AAK1: variants seen among roughly 807,000 people sequenced by gnomAD.
AAK1 encodes the protein AP2 associated kinase 1, also known as AP2-associated protein kinase 1.
In AAK1, 37 loss-of-function variants were observed where a neutral mutation model predicts 116.0. The observed-to-expected ratio is 0.32, with a 90% CI of 0.25 to 0.42. AAK1 has a LOEUF of 0.42. AAK1 is among the 10% of genes least tolerant of loss of function. The pLI is 1.00. For missense variants in AAK1, 919 were observed against 1,170.6 expected (o/e 0.79, Z 3.14); for synonymous variants, 458 against 439.9 (o/e 1.04, Z -0.51).
chr2:69,587,089 C>CT (rs869177078), intron 2 of AAK1, among the ~76,000 whole-genome samples: 244 of 144,714 alleles, frequency 1.7e-3, no homozygotes, highest in African/African-American at 3.7e-3. Context: ...TAAAAAAAAA[C>CT]TTTTTTTTTT....
intron 2 of AAK1, among the ~76,000 whole-genome samples, chr2:69,582,917 C>T (rs900226382): frequency 5.9e-5 from 9 of 152,186 alleles, no homozygotes. Flanking sequence ...CCATATTACC[C>T]CTACAGGGTT....
intron 17 of AAK1, among the ~76,000 whole-genome samples, chr2:69,485,763 C>T (rs1390360112): frequency 6.6e-6 from 1 of 151,436 alleles, no homozygotes; most frequent in Non-Finnish European, 1.5e-5. Context: ...CATGTTCAAG[C>T]GATTCTCCTG....
intron 2 of AAK1, among the ~76,000 whole-genome samples, chr2:69,640,014 A>AACACACAC (rs376034914): frequency 0.011 from 1,112 of 103,746 alleles, 79 homozygotes; most frequent in Admixed American, 0.077. Flanking sequence ...ACTCCCCTTT[A>AACACACAC]ACACACACAC....
chr2:69,482,793 G>A lies in AAK1; in HGVS notation c.2385C>T (p.Leu795=), dbSNP rs761357744. Reference sequence around the variant, plus strand: ...GCAGAAGAGAAGTGTCAGGAGATTTGAGTCCCTCAATTAGTTTTTCTACGT... The same window carrying A: ...GCAGAAGAGAAGTGTCAGGAGATTTAAGTCCCTCAATTAGTTTTTCTACGT... ...PDAPEKLIEG[L]KSPDTSLLLP... Residue 795 remains leucine (L), a synonymous_variant, in exon 18 of 22, where the codon CTC becomes CTT. Coordinates refer to ENST00000409085, the MANE Select transcript of AAK1 (RefSeq NM_014911.5). 6.2e-7 allele frequency: 1 copy of A among 1,613,044 alleles called. No individual in the cohort carries two copies. The highest frequency in any genetic ancestry group is 2.2e-5 in the East Asian group (1 of 44,880).
At chr2:69,615,106 G>C (rs1432298185) in intron 2 of AAK1, among the ~76,000 whole-genome samples, 2 of 152,162 alleles carry the variant, frequency 1.3e-5, no homozygotes, top group Non-Finnish European at 2.9e-5. Flanking sequence ...ACATGTTGCT[G>C]TCCTCTTTCC....
chr2:69,618,979 G>A (rs1031402519), intron 2 of AAK1, among the ~76,000 whole-genome samples: 2 of 151,974 alleles, frequency 1.3e-5, no homozygotes, highest in African/African-American at 4.8e-5. Context: ...TCAACCCCCT[G>A]CTTAGACAGG....
intron 2 of AAK1, among the ~76,000 whole-genome samples, chr2:69,560,386 T>C (rs1671583865): frequency 6.6e-6 from 1 of 152,234 alleles, no homozygotes; most frequent in East Asian, 1.9e-4. Context: ...GAGATGTTTA[T>C]TTCAGCCTGA....
intron 2 of AAK1, among the ~76,000 whole-genome samples, chr2:69,636,617 G>A (rs1675457338): frequency 6.6e-6 from 1 of 152,158 alleles, no homozygotes; most frequent in African/African-American, 2.4e-5. Context: ...AAAACTGTAA[G>A]CACTAGCCAC....
chr2:69,563,156 A>G (rs916347030), intron 2 of AAK1, among the ~76,000 whole-genome samples: 2 of 152,212 alleles, frequency 1.3e-5, no homozygotes, highest in Non-Finnish European at 2.9e-5. Context: ...TTGGAAGAAG[A>G]AGCAAGTAGT....
chr2:69,519,298 TTC>T lies in AAK1; in HGVS notation c.1211-60_1211-59del, dbSNP rs1484067029. The T allele has an allele frequency of 1.0e-5, 15 of 1,470,024 alleles. No individual in the cohort carries two copies. The East Asian group carries it at 3.2e-4, about 32-fold the overall frequency. The allele number at this position is 1,470,024 out of a possible 1,614,324, so 91.1% of individuals were successfully genotyped here. Reference sequence around the variant, plus strand: ...CAAATGCTTCCACACAAAAATGGCTTTCTGTCTTGCCAAAACAACTAATAGGG... The same window carrying T: ...CAAATGCTTCCACACAAAAATGGCTTTGTCTTGCCAAAACAACTAATAGGG... On this transcript the variant is annotated intron_variant, in intron 11 of 21. Transcript: ENST00000409085.
chr2:69,516,239 A>C lies in AAK1; in HGVS notation c.1498-1490T>G, dbSNP rs543996772. Among the ~76,000 whole-genome samples, 6 of 152,162 alleles carry C rather than the reference A, an allele frequency of 3.9e-5. No homozygotes were observed. In the East Asian group the frequency reaches 1.2e-3, roughly 29 times the overall value. ...AAATCTTAAACTGTTTTCAGTAATC[A>C]TATGGTTATTGCTATCTTAAAACGA... On this transcript the variant is annotated intron_variant, in intron 12 of 21. Coordinates refer to ENST00000409085, the MANE Select transcript of AAK1 (RefSeq NM_014911.5).
At chr2:69,562,120 G>A (rs546296967) in intron 2 of AAK1, among the ~76,000 whole-genome samples, 3 of 152,288 alleles carry the variant, frequency 2.0e-5, no homozygotes, top group African/African-American at 4.8e-5. Context: ...CATATGCCAA[G>A]TGACTATTTC....
chr2:69,596,468 T>G (rs746443157), intron 2 of AAK1, among the ~76,000 whole-genome samples: 2 of 152,160 alleles, frequency 1.3e-5, no homozygotes, highest in African/African-American at 4.8e-5. Context: ...GTGATCCACC[T>G]GCCTTCACCT....
chr2:69,634,225 A>C (rs933337986), intron 2 of AAK1, among the ~76,000 whole-genome samples: 2 of 152,208 alleles, frequency 1.3e-5, no homozygotes, highest in African/African-American at 2.4e-5. Context: ...CCTTTGTACA[A>C]GGAAGAATTT....
At position 69,463,256 on chromosome 2, in the gene AAK1, AG is replaced by A. The variant is rs1674386628; in HGVS notation, c.*12612del. ...GAAAAATCACTTAACCTTTACTAGA[AG>A]TAACAGAAAGCATTAAAGTTGAAAC... On this transcript the variant is annotated 3_prime_UTR_variant, in exon 22 of 22. Coordinates refer to ENST00000409085, the MANE Select transcript of AAK1 (RefSeq NM_014911.5). 6.6e-6 allele frequency: 1 copy of A among 152,266 alleles called. No individual in the cohort carries two copies. Among genetic ancestry groups the A allele is most frequent in the Admixed American group, 6.5e-5 (1 of 15,292 alleles). 9.4% of individuals were successfully genotyped at this position (152,266 alleles called of 1,614,324 possible).
Position 69,463,859 on chromosome 2 carries a change from G to C in AAK1, c.*12010C>G, listed in dbSNP as rs1346974796. The C allele has an allele frequency of 6.6e-6, 1 of 152,024 alleles. No homozygotes were observed. Among genetic ancestry groups the C allele is most frequent in the Admixed American group, 6.6e-5 (1 of 15,244 alleles). The allele number at this position is 152,024 out of a possible 1,614,324, so 9.4% of individuals were successfully genotyped here. A position where few individuals can be genotyped will look rare whatever the true frequency, so the allele number is the denominator to read the frequency against. On this transcript the variant is annotated 3_prime_UTR_variant, in exon 22 of 22. Transcript: ENST00000409085. ...GGGACAGGGTCTCGCTGTGTTGCCA[G>C]AGTTGGTCTTGAACTTCCTGGGCTC... is the stretch of plus-strand genomic sequence containing the variant.
intron 2 of AAK1, among the ~76,000 whole-genome samples, chr2:69,588,353 C>T (rs1056821770): frequency 1.3e-5 from 2 of 152,228 alleles, no homozygotes; most frequent in African/African-American, 4.8e-5. Context: ...TTCAGAAAAA[C>T]TCTAGTTATG....
intron 10 of AAK1, 59 bp downstream of exon 10, chr2:69,524,974 T>C: frequency 6.7e-7 from 1 of 1,489,190 alleles, no homozygotes; most frequent in Non-Finnish European, 9.4e-7. Flanking sequence ...AACACAGGCA[T>C]CATTCCCTGC....
chr2:69,572,730 G>C (rs1416320408), intron 2 of AAK1, among the ~76,000 whole-genome samples: 1 of 152,026 alleles, frequency 6.6e-6, no homozygotes, highest in African/African-American at 2.4e-5. Context: ...CCCAGTCCTG[G>C]CTGTGTGAAA....
Sources: allele counts gnomAD v4.1 joint callset (sites outside exome capture counted in the v4.1 genomes callset), GRCh38; gene constraint gnomAD v4.1.1; transcripts MANE v1.5; gene names NCBI Gene and HGNC (gene_info 2026-07-23, HGNC 2026-07-21).